KLHL1: variants seen among roughly 807,000 people sequenced by gnomAD.
KLHL1 encodes kelch like family member 1, also known as kelch-like protein 1.
Under a neutral mutation model 77.7 loss-of-function variants are expected in KLHL1, and 47 were observed. That is an observed-to-expected ratio of 0.60 (90% CI 0.48 to 0.77). The LOEUF (loss-of-function observed/expected upper bound fraction) is 0.77. KLHL1 is among the 30% of genes least tolerant of loss of function. The probability of loss-of-function intolerance (pLI) is 0.00; values close to 1 mark genes in which losing one functional copy is unlikely to be tolerated. For missense variants in KLHL1, 925 were observed against 910.8 expected, an observed-to-expected ratio of 1.02 and a Z score of -0.20; for synonymous variants, 360 against 325.2, an observed-to-expected ratio of 1.11 and a Z score of -1.15.
At chr13:69,830,307 T>A (rs908525450) in intron 6 of KLHL1, among the ~76,000 whole-genome samples, 3 of 150,026 alleles carry the variant, frequency 2.0e-5, no homozygotes, top group Non-Finnish European at 4.4e-5. Context: ...TATTCTTATA[T>A]CAGACAAACA....
In KLHL1 at chr13:69,888,789, C is replaced by T. The variant is rs114323825; in HGVS notation, c.1015-6294G>A. 4.5e-3 allele frequency among the ~76,000 whole-genome samples: 684 copies of T among 152,198 alleles called. 7 individuals carry two copies. The highest frequency in any genetic ancestry group is 0.016 in the African/African-American group (644 of 41,534). ...ACAGCAGATCTAGGAAACTAACACA[C>T]ATCATTGGAGAGATCTATAAAAATT... is the stretch of plus-strand genomic sequence containing the variant. On this transcript the variant is annotated intron_variant, in intron 4 of 10. Coordinates refer to ENST00000377844, the MANE Select transcript of KLHL1 (RefSeq NM_020866.3).
chr13:69,729,045 A>T (rs539520515), intron 8 of KLHL1, among the ~76,000 whole-genome samples: 24 of 152,284 alleles, frequency 1.6e-4, no homozygotes, highest in Admixed American at 9.2e-4. Flanking sequence ...CTAGAATGTA[A>T]AGTGCAAAAG....
intron 1 of KLHL1, among the ~76,000 whole-genome samples, chr13:70,070,380 T>C (rs886083222): frequency 1.3e-5 from 2 of 151,964 alleles, no homozygotes; most frequent in Non-Finnish European, 2.9e-5. Flanking sequence ...CATGTATCTA[T>C]AGAAGAACAA....
chr13:70,039,353 G>A (rs1433344828), intron 1 of KLHL1, among the ~76,000 whole-genome samples: 2 of 151,866 alleles, frequency 1.3e-5, no homozygotes, highest in Admixed American at 1.3e-4. Context: ...CAAAGTGCTG[G>A]GATTACAGGA....
intron 7 of KLHL1, among the ~76,000 whole-genome samples, chr13:69,791,465 C>A (rs1876870717): frequency 6.6e-6 from 1 of 151,700 alleles, no homozygotes. Flanking sequence ...TACAAGGGAC[C>A]CAGAATATCC....
intron 1 of KLHL1, among the ~76,000 whole-genome samples, chr13:69,978,908 GAGTGAGATA>G (rs1884625479): frequency 6.6e-6 from 1 of 152,086 alleles, no homozygotes; most frequent in Non-Finnish European, 1.5e-5. Context: ...TTAAAGAAAA[GAGTGAGATA>G]AGTAGAATAG....
intron 1 of KLHL1, among the ~76,000 whole-genome samples, chr13:70,003,767 A>G (rs747502402): frequency 1.1e-4 from 17 of 151,790 alleles, no homozygotes; most frequent in Non-Finnish European, 2.1e-4. Flanking sequence ...TAAGCATTTA[A>G]CCATTAACAA....
chr13:69,786,548 T>G (rs1308872259), intron 7 of KLHL1, among the ~76,000 whole-genome samples: 6 of 152,114 alleles, frequency 3.9e-5, no homozygotes, highest in Non-Finnish European at 5.9e-5. Flanking sequence ...ACAGCCAATA[T>G]CGTACTGAAT....
chr13:69,923,983 C>T (rs938393066), intron 4 of KLHL1, among the ~76,000 whole-genome samples: 1 of 152,232 alleles, frequency 6.6e-6, no homozygotes, highest in Admixed American at 6.5e-5. Flanking sequence ...GGCACCTGCT[C>T]TGATCTTGGA....
intron 1 of KLHL1, among the ~76,000 whole-genome samples, chr13:70,100,072 C>CA (rs1218197870): frequency 2.0e-5 from 3 of 151,806 alleles, no homozygotes; most frequent in Non-Finnish European, 4.4e-5. Context: ...CAATTTGTAA[C>CA]AAAAAAGCAT....
intron 1 of KLHL1, among the ~76,000 whole-genome samples, chr13:70,045,133 C>T (rs1165431362): frequency 3.3e-5 from 5 of 152,094 alleles, no homozygotes; most frequent in Non-Finnish European, 1.5e-5. Context: ...CAAGGAATGT[C>T]GCCTTGACTT....
intron 7 of KLHL1, among the ~76,000 whole-genome samples, chr13:69,781,516 C>T (rs746345188): frequency 2.0e-5 from 3 of 152,104 alleles, no homozygotes; most frequent in Non-Finnish European, 2.9e-5. Context: ...TCAAAAGCCT[C>T]ATATCCATCT....
intron 8 of KLHL1, among the ~76,000 whole-genome samples, chr13:69,722,648 A>G (rs963867074): frequency 2.6e-5 from 4 of 152,144 alleles, no homozygotes; most frequent in Non-Finnish European, 4.4e-5. Flanking sequence ...AAAATTAAAA[A>G]TAATAAATGC....
intron 1 of KLHL1, among the ~76,000 whole-genome samples, chr13:70,025,692 T>A (rs978029): frequency 0.83 from 124,703 of 150,418 alleles, 52,532 homozygotes; most frequent in East Asian, 0.92. Flanking sequence ...CTATATATAT[T>A]ATATATAGTA....
chr13:69,978,624 T>C (rs1282833854), intron 1 of KLHL1, among the ~76,000 whole-genome samples: 1 of 151,810 alleles, frequency 6.6e-6, no homozygotes, highest in East Asian at 2.0e-4. Context: ...GTAGCTGGGA[T>C]TACAGGCATG....
intron 1 of KLHL1, among the ~76,000 whole-genome samples, chr13:70,082,706 A>T (rs867038394): frequency 6.6e-6 from 1 of 152,202 alleles, no homozygotes; most frequent in African/African-American, 2.4e-5. Context: ...AAAGACACAG[A>T]ATCAACCCAG....
intron 7 of KLHL1, among the ~76,000 whole-genome samples, chr13:69,773,863 C>CTATATATATA (rs72007331): frequency 0.014 from 2,084 of 145,984 alleles, 52 homozygotes; most frequent in African/African-American, 0.05. Context: ...AAGTCCTTGG[C>CTATATATATA]TATATATATA....
intron 5 of KLHL1, among the ~76,000 whole-genome samples, chr13:69,842,283 C>G (rs377110806): frequency 6.6e-5 from 10 of 150,898 alleles, no homozygotes; most frequent in African/African-American, 2.4e-4. Context: ...GAAATATTAG[C>G]AAATTATTTA....
In KLHL1 at chr13:69,925,119, A is replaced by G. The variant is rs910020872; in HGVS notation, c.1014+14921T>C. Among the ~76,000 whole-genome samples, 3 of 152,160 alleles carry G rather than the reference A, an allele frequency of 2.0e-5. No homozygotes were observed. In the South Asian group the frequency reaches 6.2e-4, roughly 32 times the overall value. On this transcript the variant is annotated intron_variant, in intron 4 of 10. Transcript: ENST00000377844. The stretch of plus-strand genomic sequence containing the variant: ...AGCAGGTTCAATCAAAACTCAGGCA[A>G]AGGCACCACCGGACACAGAGGTTTT...
Sources: allele counts gnomAD v4.1 joint callset (sites outside exome capture counted in the v4.1 genomes callset), GRCh38; gene constraint gnomAD v4.1.1; transcripts MANE v1.5; gene names NCBI Gene and HGNC (gene_info 2026-07-23, HGNC 2026-07-21).